KLF12: variants seen among roughly 807,000 people sequenced by gnomAD.
The protein encoded by KLF12 is KLF transcription factor 12.
A neutral mutation model predicts 37.8 loss-of-function variants in KLF12; 9 were observed. The ratio of observed to expected loss-of-function variants is 0.24; its 90% CI spans 0.14 to 0.42. The LOEUF (loss-of-function observed/expected upper bound fraction) is 0.42. Among genes scored for constraint, KLF12 ranks in the 10% least tolerant of loss-of-function variants. The pLI, the probability that KLF12 is intolerant of heterozygous loss-of-function variation, is 1.00. For missense variants in KLF12, 411 were observed against 516.0 expected (o/e 0.80, Z 1.97); for synonymous variants, 208 against 202.1 (o/e 1.03, Z -0.25).
At chr13:74,219,950 A>T in the KLF12 span, among the ~76,000 whole-genome samples, 1 of 152,028 alleles carries the variant, frequency 6.6e-6, no homozygotes, top group African/African-American at 2.4e-5. Context: ...TAATTTTAGG[A>T]TTTTTTTAAC....
chr13:74,058,828 C>T (rs992373407), intron 1 of KLF12, among the ~76,000 whole-genome samples: 4 of 152,086 alleles, frequency 2.6e-5, no homozygotes, highest in African/African-American at 9.7e-5. Context: ...ATTCAGGGTA[C>T]ACATGTGCAG....
intron 1 of KLF12, among the ~76,000 whole-genome samples, chr13:74,127,472 G>C (rs1158086080): frequency 6.6e-6 from 1 of 152,182 alleles, no homozygotes; most frequent in Non-Finnish European, 1.5e-5. Context: ...TCTTAAAGCA[G>C]GGGATGATAA....
intron 4 of KLF12, among the ~76,000 whole-genome samples, chr13:73,833,298 A>G (rs748979987): frequency 1.3e-5 from 2 of 152,224 alleles, no homozygotes; most frequent in Non-Finnish European, 2.9e-5. Flanking sequence ...AGCCCAAAGA[A>G]TATTTCTTAC....
intron 5 of KLF12, among the ~76,000 whole-genome samples, chr13:73,805,568 C>A (rs1315186381): frequency 3.5e-5 from 5 of 141,944 alleles, no homozygotes; most frequent in African/African-American, 1.1e-4. Flanking sequence ...TGAGATCATG[C>A]CACTGCACTC....
chr13:74,136,460 AG>A (rs1177628302), upstream of KLF12, among the ~76,000 whole-genome samples: 7 of 152,190 alleles, frequency 4.6e-5, no homozygotes, highest in African/African-American at 1.7e-4. Flanking sequence ...GTTTCCCTCT[AG>A]GTGGGGCAGG....
the KLF12 span, among the ~76,000 whole-genome samples, chr13:74,238,497 A>T: frequency 1.5e-5 from 2 of 137,574 alleles, no homozygotes; most frequent in Non-Finnish European, 3.0e-5. Flanking sequence ...ATTGATTGGA[A>T]TAGTTTCAGA....
intron 1 of KLF12, among the ~76,000 whole-genome samples, chr13:74,129,073 T>G (rs1314223806): frequency 1.3e-5 from 2 of 152,120 alleles, no homozygotes; most frequent in African/African-American, 4.8e-5. Context: ...CCTTGGAGGG[T>G]TGACTCCAGG....
intron 2 of KLF12, among the ~76,000 whole-genome samples, chr13:73,962,737 T>C (rs1566484233): frequency 6.6e-6 from 1 of 152,218 alleles, no homozygotes; most frequent in African/African-American, 2.4e-5. Flanking sequence ...CTCTGTACCA[T>C]GGTCTCCAAA....
rs556067261 is a variant in KLF12 at position 73,976,658 on chromosome 13, T to C, written c.33+18332A>G. On this transcript the variant is annotated intron_variant, in intron 2 of 7. Transcript: ENST00000377669. ...CTTATAATTTTTTAACGACTACATT[T>C]AGAGTGAAGTGAAATAATATCCTCA... Among the ~76,000 whole-genome samples, 5 of 152,304 alleles carry C rather than the reference T, an allele frequency of 3.3e-5. No individual in the cohort carries two copies. In the East Asian group the frequency reaches 9.6e-4, roughly 29 times the overall value.
chr13:74,182,618 C>T, the KLF12 span, among the ~76,000 whole-genome samples: 1 of 152,206 alleles, frequency 6.6e-6, no homozygotes, highest in Non-Finnish European at 1.5e-5. Flanking sequence ...CCAACTGCTG[C>T]ACACAGTGTG....
intron 5 of KLF12, among the ~76,000 whole-genome samples, chr13:73,804,730 C>T (rs1231104099): frequency 2.0e-5 from 3 of 152,152 alleles, no homozygotes; most frequent in Admixed American, 1.3e-4. Flanking sequence ...CCCTGATTTG[C>T]CCATCAGCAG....
At chr13:73,964,705 A>G (rs1891126655) in intron 2 of KLF12, among the ~76,000 whole-genome samples, 1 of 151,792 alleles carries the variant, frequency 6.6e-6, no homozygotes, top group South Asian at 2.1e-4. Context: ...CAGAAGCTGG[A>G]CATGGTGGCT....
the KLF12 span, among the ~76,000 whole-genome samples, chr13:74,163,488 C>G: frequency 0.46 from 69,298 of 151,948 alleles, 17,199 homozygotes; most frequent in East Asian, 0.69. Flanking sequence ...CACAGAAAGA[C>G]AAACATCTCA....
chr13:73,712,761 A>C (rs1248939630), intron 7 of KLF12, among the ~76,000 whole-genome samples: 1 of 152,234 alleles, frequency 6.6e-6, no homozygotes, highest in African/African-American at 2.4e-5. Flanking sequence ...ATCAACACAG[A>C]GGCAAGACCC....
intron 3 of KLF12, among the ~76,000 whole-genome samples, chr13:73,932,558 G>A (rs542724839): frequency 6.6e-6 from 1 of 152,136 alleles, no homozygotes; most frequent in African/African-American, 2.4e-5. Flanking sequence ...TTTCTAGAAG[G>A]TGAATCTAAT....
chr13:73,868,396 GTTTT>G (rs879320917), intron 3 of KLF12, among the ~76,000 whole-genome samples: 3 of 148,724 alleles, frequency 2.0e-5, no homozygotes, highest in Non-Finnish European at 3.0e-5. Flanking sequence ...TTGTTCGTTT[GTTTT>G]TTGTTTTTGA....
At chr13:74,049,548 GAAC>G (rs1382967478) in intron 1 of KLF12, among the ~76,000 whole-genome samples, 2 of 151,952 alleles carry the variant, frequency 1.3e-5, no homozygotes, top group Non-Finnish European at 2.9e-5. Flanking sequence ...GTTATTCTCA[GAAC>G]AACAAGAAAA....
rs181042643 is a variant in KLF12 at position 73,938,426 on chromosome 13, A to G, written c.123+5555T>C. 4.6e-5 allele frequency among the ~76,000 whole-genome samples: 7 copies of G among 152,178 alleles called. No individual in the cohort carries two copies. The East Asian group carries it at 1.2e-3, about 25-fold the overall frequency. On this transcript the variant is annotated intron_variant, in intron 3 of 7. Coordinates refer to ENST00000377669, the MANE Select transcript of KLF12 (RefSeq NM_007249.5). ...TGCACCCGTCTATATTTCTTTATTA[A>G]GCCTAACGACTGGAGTCTTTTTCAA...
chr13:73,763,122 C>T (rs943009879), intron 6 of KLF12, among the ~76,000 whole-genome samples: 1 of 152,182 alleles, frequency 6.6e-6, no homozygotes, highest in Non-Finnish European at 1.5e-5. Flanking sequence ...GATTTTCTGA[C>T]AGCCTTGTTC....
Sources: allele counts gnomAD v4.1 joint callset (sites outside exome capture counted in the v4.1 genomes callset), GRCh38; gene constraint gnomAD v4.1.1; transcripts MANE v1.5; gene names NCBI Gene and HGNC (gene_info 2026-07-23, HGNC 2026-07-21).